The following LAMA2 variants were observed in gnomAD, a reference collection of about 807,000 sequenced individuals.
LAMA2 encodes the protein laminin subunit alpha 2.
LAMA2 carries 269 observed loss-of-function variants against 364.8 expected under a neutral mutation model. The observed-to-expected ratio is 0.74, with a 90% CI of 0.67 to 0.82. LAMA2 has a LOEUF of 0.82. Among genes scored for constraint, LAMA2 ranks in the 40% least tolerant of loss-of-function variants. LAMA2 has a pLI of 0.00. For missense variants in LAMA2, 3,807 were observed against 3,873.2 expected (o/e 0.98, Z 0.45); for synonymous variants, 1,379 against 1,370.6 (o/e 1.01, Z -0.14).
chr6:129,356,175 G>C (rs1019629134), intron 32 of LAMA2, among the ~76,000 whole-genome samples: 15 of 152,088 alleles, frequency 9.9e-5, no homozygotes, highest in African/African-American at 3.4e-4. Flanking sequence ...TTTATATGTG[G>C]ATTTTCACTA....
At chr6:129,304,059 A>G (rs868070390) in intron 22 of LAMA2, among the ~76,000 whole-genome samples, 31 of 152,274 alleles carry the variant, frequency 2.0e-4, no homozygotes, top group African/African-American at 5.3e-4. Context: ...TAGAAAGGTT[A>G]ATCAAGAAAA....
chr6:129,274,440 G>A (rs186784560), intron 17 of LAMA2, among the ~76,000 whole-genome samples: 4 of 151,244 alleles, frequency 2.6e-5, no homozygotes, highest in South Asian at 2.1e-4. Flanking sequence ...GGGAGCTAAA[G>A]GTTGACGCAA....
At position 129,491,968 on chromosome 6, in the gene LAMA2, G is replaced by A. The variant is rs909847521; in HGVS notation, c.7966G>A (p.Glu2656Lys). The A allele has an allele frequency of 7.4e-6, 12 of 1,613,742 alleles. No homozygotes were observed. Among genetic ancestry groups the A allele is most frequent in the South Asian group, 5.5e-5 (5 of 91,080 alleles). The change falls in exon 57 of 65, where the codon GAA becomes AAA. Residue 2656 changes from glutamate (E) to lysine (K), a missense_variant. Glu to Lys is a moderately conservative substitution (Grantham distance 56). Coordinates refer to ENST00000421865, the MANE Select transcript of LAMA2 (RefSeq NM_000426.4). Reference protein sequence around the residue: ...MQNLTVEQPIEVKKLFVGGAP... With the variant: ...MQNLTVEQPIKVKKLFVGGAP... ...AAACCTGACAGTTGAACAGCCTATC[G>A]AAGTTAAAAAGCTTTTCGTTGGGGG...
In LAMA2 at chr6:129,085,396, A is replaced by G. The variant is rs556692463; in HGVS notation, c.397-12777A>G. 3.8e-4 allele frequency among the ~76,000 whole-genome samples: 58 copies of G among 152,276 alleles called. 1 individual carries two copies. The South Asian group carries it at 0.011, about 28-fold the overall frequency. ...ACCATGATTTTTTGTGACACTCATA[A>G]CCTGTTGAATTGGAAAAATATTAAT... On this transcript the variant is annotated intron_variant, in intron 3 of 64. Coordinates refer to ENST00000421865, the MANE Select transcript of LAMA2 (RefSeq NM_000426.4).
chr6:129,049,669 A>T (rs1464029868), intron 1 of LAMA2, among the ~76,000 whole-genome samples: 1 of 152,192 alleles, frequency 6.6e-6, no homozygotes, highest in Non-Finnish European at 1.5e-5. Context: ...TTCCTAGCTA[A>T]ATATTAGAGA....
Position 129,315,520 on chromosome 6 carries a change from G to T in LAMA2, c.3600G>T (p.Glu1200Asp). The T allele has an allele frequency of 6.2e-7, 1 of 1,614,192 alleles. No individual in the cohort carries two copies. The highest frequency in any genetic ancestry group is 8.5e-7 in the Non-Finnish European group (1 of 1,180,018). The change falls in exon 25 of 65, where the codon GAG becomes GAT. Residue 1200 changes from glutamate (E) to aspartate (D), a missense_variant. Glu to Asp is a conservative substitution (Grantham distance 45, BLOSUM62 2). This residue lies in a region of LAMA2 where 3,333 missense variants were observed against 3,345.7 expected (regional missense o/e 1.00). Coordinates refer to ENST00000421865, the MANE Select transcript of LAMA2 (RefSeq NM_000426.4). The stretch of plus-strand genomic sequence containing the variant: ...AGACCATTCTACCCCTGGTAGATGA[G>T]GCTCTGCAGCACACGACCACCAAGG... Reference protein sequence around the residue: ...AEQTILPLVDEALQHTTTKGI... With the variant: ...AEQTILPLVDDALQHTTTKGI...
chr6:129,291,938 A>G (rs1789729933), intron 20 of LAMA2, among the ~76,000 whole-genome samples: 1 of 152,110 alleles, frequency 6.6e-6, no homozygotes, highest in Non-Finnish European at 1.5e-5. Flanking sequence ...TTTGGCAGTG[A>G]ATGTGTATTA....
At chr6:129,452,473 G>A (rs1036207912) in intron 45 of LAMA2, among the ~76,000 whole-genome samples, 61 of 152,166 alleles carry the variant, frequency 4.0e-4, no homozygotes, top group African/African-American at 1.3e-3. Flanking sequence ...TCTTCTTATT[G>A]TTAGAACATC....
chr6:129,478,116 CT>C (rs1470367856), intron 53 of LAMA2, among the ~76,000 whole-genome samples: 1 of 152,136 alleles, frequency 6.6e-6, no homozygotes, highest in Non-Finnish European at 1.5e-5. Context: ...TTTTAAACAT[CT>C]GTTTTTTAGA....
At chr6:128,933,230 CTGTGTG>C (rs71028134) in intron 1 of LAMA2, among the ~76,000 whole-genome samples, 1,788 of 146,266 alleles carry the variant, frequency 0.012, 40 homozygotes, top group African/African-American at 0.039. Flanking sequence ...CCCTCTCTTT[CTGTGTG>C]TGTGTGTGTG....
intron 1 of LAMA2, among the ~76,000 whole-genome samples, chr6:128,970,928 T>A (rs1782151130): frequency 6.6e-6 from 1 of 152,146 alleles, no homozygotes; most frequent in Non-Finnish European, 1.5e-5. Context: ...GGAATTTATT[T>A]GGGGTAGTGA....
intron 40 of LAMA2, among the ~76,000 whole-genome samples, chr6:129,415,531 T>C (rs1312835456): frequency 6.6e-6 from 1 of 152,048 alleles, no homozygotes; most frequent in Non-Finnish European, 1.5e-5. Context: ...CTGCAAAAGA[T>C]TGAGGAGCAG....
At chr6:129,021,960 C>A (rs942005878) in intron 1 of LAMA2, among the ~76,000 whole-genome samples, 3 of 152,186 alleles carry the variant, frequency 2.0e-5, no homozygotes, top group African/African-American at 4.8e-5. Flanking sequence ...GCATGGCAGG[C>A]AGCTTTATGA....
intron 7 of LAMA2, among the ~76,000 whole-genome samples, chr6:129,151,578 A>C (rs1222721629): frequency 6.6e-6 from 1 of 152,130 alleles, no homozygotes; most frequent in Non-Finnish European, 1.5e-5. Flanking sequence ...GTAATTTATA[A>C]AGGAAAGAGG....
At chr6:129,103,266 A>G (rs999719325) in intron 4 of LAMA2, among the ~76,000 whole-genome samples, 1 of 152,380 alleles carries the variant, frequency 6.6e-6, no homozygotes, top group South Asian at 2.1e-4. Context: ...TACCATAAAT[A>G]GAAGCGAAGT....
At chr6:129,227,964 A>C (rs1358598186) in intron 12 of LAMA2, among the ~76,000 whole-genome samples, 1 of 152,166 alleles carries the variant, frequency 6.6e-6, no homozygotes, top group Non-Finnish European at 1.5e-5. Context: ...CTTGAGCTGC[A>C]GTGGGCTTCA....
intron 1 of LAMA2, among the ~76,000 whole-genome samples, chr6:129,005,416 A>G (rs1301946735): frequency 1.3e-5 from 2 of 151,990 alleles, no homozygotes; most frequent in East Asian, 3.8e-4. Flanking sequence ...ATTTACTAAC[A>G]TTCTCATCAG....
At chr6:129,081,810 CAAT>C (rs1450969922) in intron 3 of LAMA2, among the ~76,000 whole-genome samples, 1 of 151,958 alleles carries the variant, frequency 6.6e-6, no homozygotes, top group African/African-American at 2.4e-5. Context: ...TAAATGAATT[CAAT>C]ACTCCAAATT....
At chr6:129,374,400 A>T (rs73776972) in intron 34 of LAMA2, among the ~76,000 whole-genome samples, 2,153 of 152,242 alleles carry the variant, frequency 0.014, 42 homozygotes, top group African/African-American at 0.049. Context: ...CATTGGAATT[A>T]CCAGGAGCCC....
Sources: gnomAD v4.1 joint callset for allele counts (sites outside exome capture counted in the v4.1 genomes callset) on GRCh38, gnomAD v4.1.1 for gene constraint, gnomAD v4.1.1 regional missense constraint, MANE v1.5 for transcripts, NCBI Gene and HGNC (gene_info 2026-07-23, HGNC 2026-07-21) for gene names.